Variants in TFPI2 observed in about 807,000 individuals in gnomAD.
TFPI2 encodes tissue factor pathway inhibitor 2.
In TFPI2, 23 loss-of-function variants were observed where a neutral mutation model predicts 23.1. That is an observed-to-expected ratio of 1.00 (90% CI 0.72 to 1.41). The LOEUF is 1.41. Among genes scored for constraint, TFPI2 ranks in the 40% most tolerant of loss-of-function variants. The pLI is 0.00. For synonymous variants in TFPI2, 119 were observed against 111.7 expected, an observed-to-expected ratio of 1.07 and a Z score of -0.41; for missense variants, 291 against 299.6, an observed-to-expected ratio of 0.97 and a Z score of 0.21.
chr7:93,886,657 A>G lies in TFPI2; in HGVS notation c.*163T>C, dbSNP rs1358768634. On this transcript the variant is annotated 3_prime_UTR_variant, in exon 5 of 5. Coordinates refer to ENST00000222543, the MANE Select transcript of TFPI2 (RefSeq NM_006528.4). ...ACTCACATTTGAATAGCAGCTAGTTATATATAAAAAAATCCAAATTTTTTA... is the reference window on the plus strand; with the variant it reads ...ACTCACATTTGAATAGCAGCTAGTTGTATATAAAAAAATCCAAATTTTTTA... The G allele has an allele frequency of 5.9e-6, 3 of 510,274 alleles. No homozygotes were observed. Among genetic ancestry groups the G allele is most frequent in the African/African-American group, 2.0e-5 (1 of 49,004 alleles). The allele number at this position is 510,274 out of a possible 1,614,324, so 31.6% of individuals were successfully genotyped here. A position where few individuals can be genotyped will look rare whatever the true frequency, so the allele number is the denominator to read the frequency against.
chr7:93,886,898 T>A lies in TFPI2; in HGVS notation c.632-2A>T. The A allele has an allele frequency of 6.5e-7, 1 of 1,538,386 alleles. No homozygotes were observed. The highest frequency in any genetic ancestry group is 8.6e-7 in the Non-Finnish European group (1 of 1,157,788). On this transcript the variant is annotated splice_acceptor_variant, in intron 4 of 4. Coordinates refer to ENST00000222543, the MANE Select transcript of TFPI2 (RefSeq NM_006528.4). LOFTEE classifies it high-confidence loss of function. The stretch of plus-strand genomic sequence containing the variant: ...GCATCTTCTTTTTCTTTTTCAAAGC[T>A]AAAATCAATAAAACGACAATGAAAA...
At chr7:93,888,081 A>G (rs1343719967) in intron 3 of TFPI2, among the ~76,000 whole-genome samples, 4 of 152,204 alleles carry the variant, frequency 2.6e-5, no homozygotes, top group Non-Finnish European at 4.4e-5. Flanking sequence ...ACTACTCAAG[A>G]GACTATCATT....
At chr7:93,889,676 GACA>G (rs1562779225) in intron 2 of TFPI2, among the ~76,000 whole-genome samples, 7 of 152,112 alleles carry the variant, frequency 4.6e-5, no homozygotes, top group Non-Finnish European at 1.0e-4. Context: ...TGGGTATCGG[GACA>G]AAAGTAGAGT....
chr7:93,887,442 A>G lies in TFPI2; in HGVS notation c.461-11T>C. The G allele has an allele frequency of 6.3e-7, 1 of 1,599,446 alleles. No individual in the cohort carries two copies. Among genetic ancestry groups the G allele is most frequent in the Non-Finnish European group, 8.5e-7 (1 of 1,174,242 alleles). The stretch of plus-strand genomic sequence containing the variant: ...AGCAAAATGATGGAACTTTATAAAA[A>G]AGAGAAGAAAATTAGAAATGTTATA... On this transcript the variant is annotated splice_polypyrimidine_tract_variant and intron_variant, in intron 3 of 4. Transcript: ENST00000222543.
Position 93,889,875 on chromosome 7 carries a change from C to T in TFPI2, c.271+262G>A, listed in dbSNP as rs539250494. The T allele has an allele frequency of 4.5e-4, 165 of 366,006 alleles. 1 individual carries two copies. The highest frequency in any genetic ancestry group is 5.9e-4 in the Non-Finnish European group (120 of 204,480). The allele number at this position is 366,006 out of a possible 1,614,324, so 22.7% of individuals were successfully genotyped here. On this transcript the variant is annotated intron_variant, in intron 2 of 4. Coordinates refer to ENST00000222543, the MANE Select transcript of TFPI2 (RefSeq NM_006528.4). ...CGTTATTCTCTTGCATTTATTATAC[C>T]CCATGGTGAGGGAACAAATCTTTCC... is the stretch of plus-strand genomic sequence containing the variant.
rs970823186 is a variant in TFPI2 at position 93,885,414 on chromosome 7, T to TAA, written c.*1404_*1405dup. On this transcript the variant is annotated 3_prime_UTR_variant, in exon 5 of 5. Coordinates refer to ENST00000222543, the MANE Select transcript of TFPI2 (RefSeq NM_006528.4). ...AAAGAAATGCTTTTTCTTTTTTATT[T>TAA]AATTTTGATTATTAATTATGTCAAA... 2.6e-4 allele frequency: 40 copies of TAA among 152,212 alleles called. No individual in the cohort carries two copies. The highest frequency in any genetic ancestry group is 9.6e-4 in the African/African-American group (40 of 41,562). 9.4% of individuals were successfully genotyped at this position (152,212 alleles called of 1,614,324 possible).
At chr7:93,890,501 C>G (rs1015275169) in intron 1 of TFPI2, 90 bp downstream of exon 1, 5 of 1,474,972 alleles carry the variant, frequency 3.4e-6, no homozygotes, top group Non-Finnish European at 3.6e-6. Flanking sequence ...CTGGAGAAAG[C>G]GAGGCTTGGA....
intron 2 of TFPI2, 134 bp from the exon 3 acceptor site, chr7:93,889,357 TC>T: frequency 1.3e-6 from 1 of 742,770 alleles, no homozygotes; most frequent in South Asian, 2.4e-5. Context: ...CCCAGAATAC[TC>T]CCATGAATCC....
intron 4 of TFPI2, 39 bp downstream of exon 4, chr7:93,887,222 A>G (rs1794010702): frequency 6.5e-7 from 1 of 1,545,500 alleles, no homozygotes; most frequent in African/African-American, 1.4e-5. Context: ...AGTTATTTAT[A>G]AAGTTTATCT....
At chr7:93,888,661 GAAGA>G (rs1794061315) in intron 3 of TFPI2, among the ~76,000 whole-genome samples, 6 of 129,924 alleles carry the variant, frequency 4.6e-5, no homozygotes, top group Admixed American at 2.2e-4. Flanking sequence ...GAAAGAGAAA[GAAGA>G]AAAAAAAAAA....
At chr7:93,887,537 G>T in intron 3 of TFPI2, 106 bp from the exon 4 acceptor site, 2 of 840,396 alleles carry the variant, frequency 2.4e-6, no homozygotes, top group Non-Finnish European at 3.7e-6. Flanking sequence ...AGAAGCCTCA[G>T]TCTGAATCCA....
chr7:93,890,286 T>C lies in TFPI2; in HGVS notation c.122A>G (p.Asp41Gly), dbSNP rs1395922349. ...NNAEICLLPL[D>G]YGPCRALLLR... ...AAGTAGGGCCCGGCAGGGTCCGTAG[T>C]CTAGGGGCAGGAGACAGATCTCCGC... Residue 41 changes from aspartate (D) to glycine (G), a missense_variant, in exon 2 of 5, where the codon GAC (aspartate) becomes GGC (glycine). Asp to Gly is a moderately conservative substitution (Grantham distance 94). Coordinates refer to ENST00000222543, the MANE Select transcript of TFPI2 (RefSeq NM_006528.4). 1 of 1,612,616 alleles carries C rather than the reference T, an allele frequency of 6.2e-7. No individual in the cohort carries two copies. The highest frequency in any genetic ancestry group is 1.1e-5 in the South Asian group (1 of 90,958).
Position 93,886,841 on chromosome 7 carries a change from T to C in TFPI2, c.687A>G (p.Lys229=). ...PKLRFASRIR[K]IRKKQF is the part of the protein sequence containing the mutation. ...ATGTTTAAAATTGCTTCTTCCGAAT[T>C]TTCCGGATTCTACTGGCAAAGCGAA... The change falls in exon 5 of 5, where the codon AAA becomes AAG. Residue 229 remains lysine, a synonymous_variant. Coordinates refer to ENST00000222543, the MANE Select transcript of TFPI2 (RefSeq NM_006528.4). 6.4e-7 allele frequency: 1 copy of C among 1,555,708 alleles called. No individual in the cohort carries two copies. The highest frequency in any genetic ancestry group is 8.6e-7 in the Non-Finnish European group (1 of 1,162,948).
Position 93,887,833 on chromosome 7 carries a change from T to G in TFPI2, c.461-402A>C, listed in dbSNP as rs188668417. 8.5e-5 allele frequency among the ~76,000 whole-genome samples: 13 copies of G among 152,342 alleles called. No individual in the cohort carries two copies. The East Asian group carries it at 2.3e-3, about 27-fold the overall frequency. ...CTCTCATTCCATTATTAATCAATAA[T>G]ATATGCATACTAATTTCCAGGTAAC... On this transcript the variant is annotated intron_variant, in intron 3 of 4. Transcript: ENST00000222543.
rs770584232 is a variant in TFPI2, at chr7:93,890,319, C to T, written c.89G>A (p.Gly30Glu). ...CAGGAGACAGATCTCCGCGTTATTT[C>T]CTGAAGAAGGGGCAGAAGGAGAGCA... Reference protein sequence around the residue: ...ALGDAAQEPTGNNAEICLLPL... With the variant: ...ALGDAAQEPTENNAEICLLPL... Residue 30 changes from glycine (G) to glutamate (E), a missense_variant and splice_region_variant, in exon 2 of 5, where the codon GGA becomes GAA. Gly to Glu is a moderately conservative substitution (Grantham distance 98). Transcript: ENST00000222543. 1.9e-6 allele frequency: 3 copies of T among 1,603,232 alleles called. No individual in the cohort carries two copies. In the Admixed American group the frequency reaches 5.1e-5, roughly 27 times the overall value.
Position 93,890,184 on chromosome 7 carries a change from T to G in TFPI2, c.224A>C (p.Asn75Thr). Residue 75 changes from asparagine (N) to threonine (T), a missense_variant, in exon 2 of 5, where the codon AAT becomes ACT. Asn to Thr is a moderately conservative substitution (Grantham distance 65, BLOSUM62 0). Coordinates refer to ENST00000222543, the MANE Select transcript of TFPI2 (RefSeq NM_006528.4). ...GTCGCAAGCCTCCCAGGTGTAGAAA[T>G]TGTTGGCGTTGCCCTCGCAGCCCCC... ...LYGGCEGNAN[N>T]FYTWEACDDA... 6.2e-7 allele frequency: 1 copy of G among 1,613,112 alleles called. No homozygotes were observed. The highest frequency in any genetic ancestry group is 8.5e-7 in the Non-Finnish European group (1 of 1,179,346).
In TFPI2 at chr7:93,887,293, C is replaced by T. The variant is rs757749590; in HGVS notation, c.599G>A (p.Ser200Asn). The change falls in exon 4 of 5, where the codon AGC (serine) becomes AAC (asparagine). Residue 200 changes from serine to asparagine, a missense_variant. Coordinates refer to ENST00000222543, the MANE Select transcript of TFPI2 (RefSeq NM_006528.4). ...ACATGCACGTTTGCAATCCTCCCTG[C>T]TAACAAAGTTATTGTCATTCCCTCC... The part of the protein sequence containing the change: ...GCGGNDNNFV[S>N]REDCKRACAK... 4 of 1,612,568 alleles carry T rather than the reference C, an allele frequency of 2.5e-6. No individual in the cohort carries two copies. The highest frequency in any genetic ancestry group is 1.7e-5 in the Admixed American group (1 of 59,936).
chr7:93,888,589 G>GGAAAGAGAAAGAAAGAAAGAAAGAA (rs138314368), intron 3 of TFPI2, among the ~76,000 whole-genome samples: 51 of 103,248 alleles, frequency 4.9e-4, no homozygotes, highest in South Asian at 1.8e-3. Context: ...AGGAAGGAAA[G>GGAAAGAGAAAGAAAGAAAGAAAGAA]AGAAAGAAAG....
At chr7:93,887,471 C>A (rs1456056522) in intron 3 of TFPI2, 40 bp from the exon 4 acceptor site, 1 of 1,525,764 alleles carries the variant, frequency 6.6e-7, no homozygotes, top group Non-Finnish European at 9.0e-7. Flanking sequence ...TGTTATAATA[C>A]CAGAATTTTT....
Sources: gnomAD v4.1 joint callset for allele counts (sites outside exome capture counted in the v4.1 genomes callset) on GRCh38, gnomAD v4.1.1 for gene constraint, MANE v1.5 for transcripts, NCBI Gene and HGNC (gene_info 2026-07-23, HGNC 2026-07-21) for gene names.